The following MKX variants were observed in gnomAD, a reference collection of about 807,000 sequenced individuals.
MKX encodes mohawk homeobox.
Under a neutral mutation model 36.0 loss-of-function variants are expected in MKX, and 13 were observed. The ratio of observed to expected loss-of-function variants is 0.36; its 90% CI spans 0.24 to 0.57. MKX has a LOEUF of 0.57. Ranked by LOEUF, MKX falls within the 20% of genes least tolerant of loss-of-function variation. The pLI, the probability that MKX is intolerant of heterozygous loss-of-function variation, is 0.79. For missense variants in MKX, 458 were observed against 456.4 expected (o/e 1.00, Z -0.03); for synonymous variants, 176 against 178.3 (o/e 0.99, Z 0.10).
Position 27,734,746 on chromosome 10 carries a change from T to C in MKX, c.548A>G (p.Asn183Ser). The change falls in exon 5 of 7, where the codon AAT (asparagine) becomes AGT (serine). Residue 183 changes from asparagine (N) to serine (S), a missense_variant. By Grantham distance (46) the Asn-to-Ser change is conservative (BLOSUM62 1). Around this residue, in one of 3 missense-constraint regions of MKX, gnomAD observed 297 missense variants for 304.4 expected, o/e 0.98. Coordinates refer to ENST00000419761, the MANE Select transcript of MKX (RefSeq NM_173576.3). ...AATCACAGGATGGTGAACTGGGGTA[T>C]TATAGCCCCCTTCGTTCATGTGGGT... ...PRTHMNEGGY[N>S]TPVHHPVIKS... The C allele has an allele frequency of 1.9e-6, 3 of 1,614,068 alleles. No individual in the cohort carries two copies. Among genetic ancestry groups the C allele is most frequent in the Non-Finnish European group, 2.5e-6 (3 of 1,179,980 alleles).
chr10:27,720,429 A>G (rs1244488780), intron 5 of MKX, among the ~76,000 whole-genome samples: 1 of 152,122 alleles, frequency 6.6e-6, no homozygotes, highest in Non-Finnish European at 1.5e-5. Context: ...AGAATATTAT[A>G]TTGATATGGA....
Position 27,744,921 on chromosome 10 carries a change from C to T in MKX, c.-83+786G>A, listed in dbSNP as rs1245902072. The T allele has an allele frequency of 6.6e-6, 1 of 152,296 alleles. No homozygotes were observed. The highest frequency in any genetic ancestry group is 2.4e-5 in the African/African-American group (1 of 41,450). The allele number at this position is 152,296 out of a possible 1,614,324, so 9.4% of individuals were successfully genotyped here. ...ACCTCTGCTGGATGTCGTGTGTCCC[C>T]TAGGACTGCGTCCTCCCGCGCAGAC... is the stretch of plus-strand genomic sequence containing the variant. On this transcript the variant is annotated intron_variant, in intron 1 of 6. Transcript: ENST00000419761. The surrounding 1 kb of genome is among the most constrained non-coding windows in gnomAD (Gnocchi z 5.6).
intron 5 of MKX, among the ~76,000 whole-genome samples, chr10:27,691,885 A>C (rs1368848624): frequency 1.3e-5 from 2 of 152,176 alleles, no homozygotes; most frequent in African/African-American, 4.8e-5. Flanking sequence ...GTTATAACTT[A>C]ATTCTTTTTT....
At chr10:27,739,801 CTG>C (rs1834855308) in intron 3 of MKX, among the ~76,000 whole-genome samples, 1 of 152,142 alleles carries the variant, frequency 6.6e-6, no homozygotes, top group Non-Finnish European at 1.5e-5. Context: ...GCTGACATCA[CTG>C]TGAAATATTC....
In MKX at chr10:27,741,248, T is replaced by C. The variant is rs1398576300; in HGVS notation, c.348+97A>G. On this transcript the variant is annotated intron_variant, in intron 3 of 6. Coordinates refer to ENST00000419761, the MANE Select transcript of MKX (RefSeq NM_173576.3). The surrounding 1 kb of genome is among the most constrained non-coding windows in gnomAD (Gnocchi z 5.1). ...CAGCTCGGCTCCATCCCTCTCCAGGTAGAAGCGCCACGTGGAGAGCCACAC... is the reference window on the plus strand; with the variant it reads ...CAGCTCGGCTCCATCCCTCTCCAGGCAGAAGCGCCACGTGGAGAGCCACAC... 8 of 1,498,766 alleles carry C rather than the reference T, an allele frequency of 5.3e-6. No homozygotes were observed. The highest frequency in any genetic ancestry group is 1.4e-5 in the African/African-American group (1 of 71,332). The allele number at this position is 1,498,766 out of a possible 1,614,324, so 92.8% of individuals were successfully genotyped here.
intron 5 of MKX, among the ~76,000 whole-genome samples, chr10:27,704,806 G>A (rs376249318): frequency 1.4e-4 from 21 of 152,108 alleles, no homozygotes; most frequent in African/African-American, 3.4e-4. Context: ...GGAAGTTCTC[G>A]CTATCACTTA....
chr10:27,703,154 A>C (rs769542321), intron 5 of MKX, among the ~76,000 whole-genome samples: 23 of 152,202 alleles, frequency 1.5e-4, no homozygotes, highest in Non-Finnish European at 1.0e-4. Flanking sequence ...TTTAATTCCT[A>C]AAAGAGTGCC....
At chr10:27,740,118 C>T (rs1275462680) in intron 3 of MKX, among the ~76,000 whole-genome samples, 5 of 152,126 alleles carry the variant, frequency 3.3e-5, no homozygotes, top group Admixed American at 6.5e-5. Flanking sequence ...GCAGAAATTA[C>T]GTATTCTAGT....
At chr10:27,705,431 T>C (rs1413802639) in intron 5 of MKX, among the ~76,000 whole-genome samples, 1 of 152,182 alleles carries the variant, frequency 6.6e-6, no homozygotes, top group African/African-American at 2.4e-5. Flanking sequence ...CATACCTCAG[T>C]GCAGACTCAA....
Position 27,674,893 on chromosome 10 carries a change from C to T in MKX, c.*336G>A, listed in dbSNP as rs1836113289. On this transcript the variant is annotated 3_prime_UTR_variant, in exon 7 of 7. Coordinates refer to ENST00000419761, the MANE Select transcript of MKX (RefSeq NM_173576.3). ...GCCCGTCTGGAATGATGCACACAGG[C>T]TAATAAGCATATGGCGTTGGCATTT... 4.9e-6 allele frequency: 1 copy of T among 204,916 alleles called. No individual in the cohort carries two copies. The highest frequency in any genetic ancestry group is 5.3e-5 in the Admixed American group (1 of 18,762). 12.7% of individuals were successfully genotyped at this position (204,916 alleles called of 1,614,324 possible). A position where few individuals can be genotyped will look rare whatever the true frequency, so the allele number is the denominator to read the frequency against.
chr10:27,731,075 A>C (rs1157936527), intron 5 of MKX, among the ~76,000 whole-genome samples: 2 of 149,406 alleles, frequency 1.3e-5, no homozygotes, highest in Admixed American at 1.3e-4. Context: ...TGGAGGTTGC[A>C]GTGAACCGAG....
At chr10:27,718,158 C>G (rs7077315) in intron 5 of MKX, among the ~76,000 whole-genome samples, 2 of 151,798 alleles carry the variant, frequency 1.3e-5, no homozygotes, top group Admixed American at 1.3e-4. Context: ...AACAAACCAA[C>G]GAAGAATCTA....
chr10:27,723,178 T>C (rs1589685798), intron 5 of MKX, among the ~76,000 whole-genome samples: 1 of 152,050 alleles, frequency 6.6e-6, no homozygotes, highest in African/African-American at 2.4e-5. Flanking sequence ...CAAAATTTTC[T>C]GAAAGAAAAA....
rs1191580498 is a variant in MKX, at chr10:27,744,349, C to T, written c.-82-852G>A. 6.6e-6 allele frequency among the ~76,000 whole-genome samples: 1 copy of T among 152,248 alleles called. No homozygotes were observed. The highest frequency in any genetic ancestry group is 2.4e-5 in the African/African-American group (1 of 41,556). On this transcript the variant is annotated intron_variant, in intron 1 of 6. Coordinates refer to ENST00000419761, the MANE Select transcript of MKX (RefSeq NM_173576.3). This position sits in a 1 kb window ranked among gnomAD's most constrained non-coding sequence, Gnocchi z 5.6. ...CGACACCCGCCTCTCTCTGGGGTCT[C>T]CGGGGACCCTTTCAGAGGCTGTAAA... is the stretch of plus-strand genomic sequence containing the variant.
Position 27,686,573 on chromosome 10 carries a change from T to C in MKX, c.839-11019A>G, listed in dbSNP as rs181698050. Among the ~76,000 whole-genome samples the C allele has an allele frequency of 4.6e-3, 700 of 152,026 alleles. 5 individuals are homozygous for C. Among genetic ancestry groups the C allele is most frequent in the African/African-American group, 0.016 (650 of 41,474 alleles). ...CTCACTGCAACCTCTACCTCCTGGG[T>C]TCAAGCGATTCTCCTGCCTCAACTT... On this transcript the variant is annotated intron_variant, in intron 5 of 6. Transcript: ENST00000419761.
intron 5 of MKX, among the ~76,000 whole-genome samples, chr10:27,729,403 C>A (rs1427368933): frequency 6.7e-6 from 1 of 148,918 alleles, no homozygotes; most frequent in Non-Finnish European, 1.5e-5. Flanking sequence ...CTCCCAGGTT[C>A]AAGTGATCCC....
At chr10:27,701,431 A>T (rs1836651774) in intron 5 of MKX, among the ~76,000 whole-genome samples, 1 of 147,138 alleles carries the variant, frequency 6.8e-6, no homozygotes, top group African/African-American at 2.5e-5. Context: ...TAGATAATAT[A>T]TATAAAATAC....
chr10:27,739,487 C>A (rs182989154), intron 3 of MKX, among the ~76,000 whole-genome samples: 1 of 152,160 alleles, frequency 6.6e-6, no homozygotes, highest in East Asian at 1.9e-4. Flanking sequence ...ATGAAAATTT[C>A]ATGTAAAGCA....
chr10:27,708,669 A>G (rs1022588641), intron 5 of MKX, among the ~76,000 whole-genome samples: 2 of 148,080 alleles, frequency 1.4e-5, no homozygotes, highest in Admixed American at 6.8e-5. Context: ...CAGAGGTTGC[A>G]GTGAGCCAGG....
Sources: allele counts gnomAD v4.1 joint callset (sites outside exome capture counted in the v4.1 genomes callset), GRCh38; gene constraint gnomAD v4.1.1; regional missense constraint gnomAD v4.1.1; non-coding constraint Gnocchi (gnomAD v3.1); transcripts MANE v1.5; gene names NCBI Gene and HGNC (gene_info 2026-07-23, HGNC 2026-07-21).